NMD3: variants seen among roughly 807,000 people sequenced by gnomAD.
NMD3 encodes 60S ribosomal export protein NMD3.
Under a neutral mutation model 73.1 loss-of-function variants are expected in NMD3, and 47 were observed. The ratio of observed to expected loss-of-function variants is 0.64; its 90% CI spans 0.51 to 0.82. The LOEUF (loss-of-function observed/expected upper bound fraction) is 0.82. Ranked by LOEUF, NMD3 falls within the 40% of genes least tolerant of loss-of-function variation. NMD3 has a pLI of 0.00. For synonymous variants in NMD3, 210 were observed against 194.5 expected (o/e 1.08, Z -0.66); for missense variants, 554 against 612.5 (o/e 0.90, Z 1.01).
At chr3:161,230,472 T>C (rs995243588) in intron 4 of NMD3, among the ~76,000 whole-genome samples, 1 of 152,148 alleles carries the variant, frequency 6.6e-6, no homozygotes, top group Non-Finnish European at 1.5e-5. Flanking sequence ...TATAACTGTA[T>C]TTGTAAGCTC....
downstream of NMD3, chr3:161,252,722 A>G (rs989944423): frequency 1.3e-5 from 8 of 634,024 alleles, no homozygotes; most frequent in East Asian, 5.6e-5. Flanking sequence ...TTTATAACCA[A>G]TTTATAAATA....
At position 161,238,119 on chromosome 3, in the gene NMD3, T is replaced by A. The variant is rs745447796; in HGVS notation, c.584T>A (p.Leu195Gln). 4 of 1,583,002 alleles carry A rather than the reference T, an allele frequency of 2.5e-6. No homozygotes were observed. The highest frequency in any genetic ancestry group is 3.4e-6 in the Non-Finnish European group (4 of 1,164,356). Reference protein sequence around the residue: ...TLRIKEIHDGLDFYYSSKQHA... With the variant: ...TLRIKEIHDGQDFYYSSKQHA... ...CTTTTTTTTTTTTTTTAAGATGGTC[T>A]GGATTTTTATTATTCCTCAAAACAA... is the stretch of plus-strand genomic sequence containing the variant. Residue 195 changes from leucine to glutamine, a missense_variant, in exon 8 of 16, where the codon CTG (leucine) becomes CAG (glutamine). Coordinates refer to ENST00000351193, the MANE Select transcript of NMD3 (RefSeq NM_015938.5).
chr3:161,239,987 C>T (rs368270901), intron 9 of NMD3, among the ~76,000 whole-genome samples: 1 of 152,118 alleles, frequency 6.6e-6, no homozygotes. Flanking sequence ...AAATGTTTCC[C>T]TGGTACAAAT....
chr3:161,224,360 CCTT>C (rs928825228), intron 2 of NMD3, among the ~76,000 whole-genome samples: 7 of 152,172 alleles, frequency 4.6e-5, no homozygotes, highest in African/African-American at 1.7e-4. Context: ...ACAGTACTGA[CCTT>C]CTAGAACCTT....
intron 5 of NMD3, 104 bp downstream of exon 5, chr3:161,233,583 G>A (rs1736625716): frequency 1.7e-6 from 1 of 575,798 alleles, no homozygotes; most frequent in Non-Finnish European, 3.0e-6. Flanking sequence ...AAGAAAAAGA[G>A]TACACTCAAT....
rs891214838 is a variant in NMD3 at position 161,242,800 on chromosome 3, TG to T, written c.1017+148del. On this transcript the variant is annotated intron_variant, in intron 11 of 15. Transcript: ENST00000351193. ...TTAGGAAAAAAATTCTTTTTTTTTTTGTCTTTTTAATATGTGGTCATTGTGG... is the reference window on the plus strand; with the variant it reads ...TTAGGAAAAAAATTCTTTTTTTTTTTTCTTTTTAATATGTGGTCATTGTGG... 6.9e-6 allele frequency: 4 copies of T among 580,272 alleles called. No homozygotes were observed. The Admixed American group carries it at 1.4e-4, about 20-fold the overall frequency. The allele number at this position is 580,272 out of a possible 1,614,324, so 35.9% of individuals were successfully genotyped here. A position where few individuals can be genotyped will look rare whatever the true frequency, so the allele number is the denominator to read the frequency against.
intron 4 of NMD3, among the ~76,000 whole-genome samples, chr3:161,233,147 TC>T: frequency 6.6e-6 from 1 of 152,000 alleles, no homozygotes; most frequent in East Asian, 1.9e-4. Flanking sequence ...AGAATTTTTT[TC>T]CTATGCAAAT....
chr3:161,240,996 G>A (rs750228575), intron 9 of NMD3, 50 bp from the exon 10 acceptor site: 3 of 1,136,204 alleles, frequency 2.6e-6, no homozygotes, highest in Non-Finnish European at 1.3e-6. Context: ...GTGTTTATTG[G>A]ACTGTTATTT....
Position 161,250,256 on chromosome 3 carries a change from G to A in NMD3, c.1311G>A (p.Arg437=), listed in dbSNP as rs1439514976. The change falls in exon 15 of 16, where the codon AGG becomes AGA. Residue 437 remains arginine, a splice_region_variant and synonymous_variant. Transcript: ENST00000351193. The stretch of plus-strand genomic sequence containing the variant: ...GAAATATTTAAATGTTTATTTAAAG[G>A]CAATACCAAGATTTTCTTGAAGATC... ...ERENMDTDDE[R]QYQDFLEDLE... The A allele has an allele frequency of 4.0e-6, 6 of 1,516,058 alleles. No individual in the cohort carries two copies. Among genetic ancestry groups the A allele is most frequent in the Non-Finnish European group, 5.5e-6 (6 of 1,093,814 alleles). 93.9% of individuals were successfully genotyped at this position (1,516,058 alleles called of 1,614,324 possible).
chr3:161,224,993 G>A lies in NMD3; in HGVS notation c.108G>A (p.Leu36=). The change falls in exon 3 of 16, where the codon TTG becomes TTA. Residue 36 remains leucine (L), a synonymous_variant. Transcript: ENST00000351193. ...CTGCCAATATTTGTGTGGCCTGTTTGCGAAGTAAAGTGGACATCAGCCAAG... is the reference window on the plus strand; with the variant it reads ...CTGCCAATATTTGTGTGGCCTGTTTACGAAGTAAAGTGGACATCAGCCAAG... ...PNPANICVAC[L]RSKVDISQGI... 1.2e-6 allele frequency: 2 copies of A among 1,613,936 alleles called. No homozygotes were observed. The highest frequency in any genetic ancestry group is 1.7e-6 in the Non-Finnish European group (2 of 1,179,950).
intron 11 of NMD3, among the ~76,000 whole-genome samples, chr3:161,245,843 A>C (rs564572716): frequency 6.6e-6 from 1 of 152,204 alleles, no homozygotes; most frequent in Non-Finnish European, 1.5e-5. Flanking sequence ...TTAAAAATTA[A>C]TTTGATAAAG....
chr3:161,252,477 T>C (rs1737529850), downstream of NMD3, among the ~76,000 whole-genome samples: 2 of 152,232 alleles, frequency 1.3e-5, 1 homozygote, highest in South Asian at 4.1e-4. Context: ...TTTGATGTTC[T>C]ATTAAGTATT....
intron 13 of NMD3, among the ~76,000 whole-genome samples, chr3:161,248,600 C>A (rs1483610307): frequency 2.0e-5 from 3 of 152,094 alleles, no homozygotes; most frequent in Admixed American, 2.0e-4. Flanking sequence ...GTTAAGAAGG[C>A]ATTTAGAGTT....
intron 13 of NMD3, 97 bp from the exon 14 acceptor site, chr3:161,249,357 A>G: frequency 1.4e-6 from 1 of 711,314 alleles, no homozygotes; most frequent in Non-Finnish European, 2.4e-6. Context: ...AGGTGTAACC[A>G]GTGTCATTAG....
At chr3:161,222,110 C>T in intron 2 of NMD3, 53 bp downstream of exon 2, 1 of 1,446,414 alleles carries the variant, frequency 6.9e-7, no homozygotes, top group Non-Finnish European at 9.7e-7. Context: ...TTCAGTGAGC[C>T]CGGGAAACTC....
At chr3:161,223,605 C>A (rs1159569560) in intron 2 of NMD3, among the ~76,000 whole-genome samples, 1 of 151,870 alleles carries the variant, frequency 6.6e-6, no homozygotes, top group Non-Finnish European at 1.5e-5. Flanking sequence ...AAGAAATGTT[C>A]ATTAGAGATA....
At chr3:161,240,773 A>T (rs1736943048) in intron 9 of NMD3, among the ~76,000 whole-genome samples, 1 of 151,568 alleles carries the variant, frequency 6.6e-6, no homozygotes, top group East Asian at 1.9e-4. Context: ...GGCTCAAGGG[A>T]TTCTCCCACC....
chr3:161,247,974 C>CG (rs1377533760), intron 13 of NMD3, among the ~76,000 whole-genome samples: 1 of 150,496 alleles, frequency 6.6e-6, no homozygotes, highest in African/African-American at 2.4e-5. Context: ...TTTGTAGAGA[C>CG]GGGGTCTTGT....
Position 161,246,425 on chromosome 3 carries a change from A to G in NMD3, c.1107A>G (p.Leu369=), listed in dbSNP as rs140991815. Residue 369 remains leucine (L), a synonymous_variant, in exon 12 of 16, where the codon CTA becomes CTG. Transcript: ENST00000351193. ...GTCGTACTCATTTGGGACATCTTCT[A>G]AATCCCGGAGACCTGGTGTTAGGGT... ...YFCRTHLGHL[L]NPGDLVLGFD... 4 of 1,497,036 alleles carry G rather than the reference A, an allele frequency of 2.7e-6. No individual in the cohort carries two copies. Among genetic ancestry groups the G allele is most frequent in the Non-Finnish European group, 3.7e-6 (4 of 1,092,684 alleles). 92.7% of individuals were successfully genotyped at this position (1,497,036 alleles called of 1,614,324 possible).
Sources: gnomAD v4.1 joint callset for allele counts (sites outside exome capture counted in the v4.1 genomes callset) on GRCh38, gnomAD v4.1.1 for gene constraint, MANE v1.5 for transcripts, NCBI Gene and HGNC (gene_info 2026-07-23, HGNC 2026-07-21) for gene names.